The following NRXN3 variants were observed in gnomAD, a reference collection of about 807,000 sequenced individuals.
NRXN3 encodes the protein neurexin III.
NRXN3 carries 32 observed loss-of-function variants against 137.6 expected under a neutral mutation model. That is an observed-to-expected ratio of 0.23 (90% confidence interval 0.18 to 0.31). The LOEUF (loss-of-function observed/expected upper bound fraction) is 0.31, where lower values mean the gene tolerates loss of function less well. NRXN3 is among the 10% of genes least tolerant of loss of function. The probability of loss-of-function intolerance (pLI) is 1.00; values close to 1 mark genes in which losing one functional copy is unlikely to be tolerated. For missense variants in NRXN3, 1,574 were observed against 2,062.5 expected, an observed-to-expected ratio of 0.76 and a Z score of 4.59; for synonymous variants, 798 against 784.5, an observed-to-expected ratio of 1.02 and a Z score of -0.29.
intron 15 of NRXN3, among the ~76,000 whole-genome samples, chr14:79,026,937 A>ATATG (rs71131670): frequency 7.7e-6 from 1 of 130,396 alleles, no homozygotes; most frequent in Non-Finnish European, 1.6e-5. Context: ...ATATATATAT[A>ATATG]ACTATTATAA....
intron 20 of NRXN3, among the ~76,000 whole-genome samples, chr14:79,842,258 T>C (rs1486354103): frequency 1.3e-5 from 2 of 152,194 alleles, no homozygotes; most frequent in Non-Finnish European, 2.9e-5. Context: ...TAATAAATAC[T>C]GTGCAGAGAA....
At chr14:78,889,152 G>T (rs1470419448) in intron 10 of NRXN3, among the ~76,000 whole-genome samples, 2 of 151,916 alleles carry the variant, frequency 1.3e-5, no homozygotes, top group African/African-American at 2.4e-5. Flanking sequence ...TTTAGAATCC[G>T]ATTTTCACAT....
intron 19 of NRXN3, among the ~76,000 whole-genome samples, chr14:79,733,369 A>C (rs1223567799): frequency 6.6e-6 from 1 of 152,320 alleles, no homozygotes; most frequent in Admixed American, 6.5e-5. Flanking sequence ...AAGGAGGAGT[A>C]ATTTAGTTGT....
At chr14:78,532,326 G>GA (rs1381991248) in intron 4 of NRXN3, among the ~76,000 whole-genome samples, 71 of 94,618 alleles carry the variant, frequency 7.5e-4, no homozygotes, top group African/African-American at 1.7e-3. Context: ...CATCTCAAAA[G>GA]AAAAAAAAAA....
rs57715515 is a variant in NRXN3, at chr14:79,719,380, A to ATG, written c.4014+21451_4014+21452dup. ...GTGTATTGTGTGTATGTGTATATAT[A>ATG]TGTGTGTGTATATATATGTGTGTAT... On this transcript the variant is annotated intron_variant, in intron 19 of 20. Transcript: ENST00000335750. Among the ~76,000 whole-genome samples the ATG allele has an allele frequency of 9.9e-3, 1,439 of 145,002 alleles. 10 individuals are homozygous for ATG. The highest frequency in any genetic ancestry group is 0.017 in the Non-Finnish European group (1,120 of 67,132).
Position 78,242,719 on chromosome 14 carries a change from C to T in NRXN3, c.-375C>T, listed in dbSNP as rs1039476997. ...ATCGCTGAAGGCTTCTTCCTACTCT[C>T]CTGCACCTTCTCCTCCTTGAGTCAA... On this transcript the variant is annotated 5_prime_UTR_variant, in exon 2 of 21. Coordinates refer to ENST00000335750, the MANE Select transcript of NRXN3 (RefSeq NM_001330195.2). The T allele has an allele frequency of 9.5e-6, 2 of 210,520 alleles. No homozygotes were observed. Among genetic ancestry groups the T allele is most frequent in the Non-Finnish European group, 1.9e-5 (2 of 105,940 alleles). The allele number at this position is 210,520 out of a possible 1,614,324, so 13.0% of individuals were successfully genotyped here.
At chr14:78,637,491 A>G (rs781781003) in intron 4 of NRXN3, among the ~76,000 whole-genome samples, 10 of 152,182 alleles carry the variant, frequency 6.6e-5, no homozygotes, top group African/African-American at 2.2e-4. Context: ...TAACACTTCT[A>G]TGGCTGGGAA....
intron 1 of NRXN3, among the ~76,000 whole-genome samples, chr14:78,209,053 C>T (rs750019134): frequency 1.3e-4 from 20 of 152,146 alleles, no homozygotes; most frequent in Non-Finnish European, 2.4e-4. Context: ...CCTCCCAAGC[C>T]TTGTCCCCAG....
At chr14:78,569,029 G>A (rs1208756028) in intron 4 of NRXN3, among the ~76,000 whole-genome samples, 81 of 147,304 alleles carry the variant, frequency 5.5e-4, no homozygotes, top group African/African-American at 2.0e-3. Flanking sequence ...GTGCAGTGGC[G>A]CGGTCTTGGC....
intron 15 of NRXN3, among the ~76,000 whole-genome samples, chr14:79,210,299 T>C (rs1451848548): frequency 6.6e-6 from 1 of 152,194 alleles, no homozygotes; most frequent in Non-Finnish European, 1.5e-5. Context: ...TGGGAGAATA[T>C]GCTTGTTTCA....
chr14:78,676,960 T>A (rs10138169), intron 6 of NRXN3, among the ~76,000 whole-genome samples: 79,814 of 151,918 alleles, frequency 0.53, 24,382 homozygotes, highest in African/African-American at 0.86. Context: ...TTCAAGCCAA[T>A]TTTTGAGACC....
chr14:79,795,038 GTGGATGACCTCA>G (rs965869370), intron 19 of NRXN3, among the ~76,000 whole-genome samples: 10 of 152,300 alleles, frequency 6.6e-5, no homozygotes, highest in African/African-American at 2.2e-4. Flanking sequence ...AAAAAACCCT[GTGGATGACCTCA>G]TGGATCTCAT....
intron 6 of NRXN3, among the ~76,000 whole-genome samples, chr14:78,682,442 C>G (rs982670624): frequency 6.6e-6 from 1 of 151,358 alleles, no homozygotes; most frequent in South Asian, 2.1e-4. Context: ...GAACCAAGTA[C>G]GACACTTTGA....
chr14:79,843,932 T>A (rs775245959), intron 20 of NRXN3, among the ~76,000 whole-genome samples: 131 of 152,214 alleles, frequency 8.6e-4, no homozygotes, highest in Non-Finnish European at 1.5e-3. Flanking sequence ...CCAAAGACCA[T>A]TATATCATTC....
At chr14:78,832,194 A>G (rs747095736) in intron 10 of NRXN3, among the ~76,000 whole-genome samples, 7 of 151,162 alleles carry the variant, frequency 4.6e-5, no homozygotes, top group Non-Finnish European at 1.0e-4. Flanking sequence ...ATGGTTGTCA[A>G]GTTTTCTGGT....
At chr14:79,667,854 C>T (rs1020894100) in intron 17 of NRXN3, among the ~76,000 whole-genome samples, 5 of 152,098 alleles carry the variant, frequency 3.3e-5, no homozygotes, top group African/African-American at 1.2e-4. Context: ...CAGCTCTAGG[C>T]CCCCTGGAAG....
At chr14:78,628,517 G>A (rs1416228634) in intron 4 of NRXN3, among the ~76,000 whole-genome samples, 18 of 152,128 alleles carry the variant, frequency 1.2e-4, no homozygotes, top group Admixed American at 1.2e-3. Flanking sequence ...TCTCAATAAA[G>A]GTTTGCTGAA....
intron 4 of NRXN3, among the ~76,000 whole-genome samples, chr14:78,367,046 T>C (rs1462801720): frequency 6.6e-6 from 1 of 152,214 alleles, no homozygotes; most frequent in Non-Finnish European, 1.5e-5. Context: ...AATAGACTCA[T>C]TGCCCACTCT....
At chr14:78,178,330 G>A (rs992136276) in intron 1 of NRXN3, among the ~76,000 whole-genome samples, 1 of 152,200 alleles carries the variant, frequency 6.6e-6, no homozygotes, top group African/African-American at 2.4e-5. Flanking sequence ...TCAGTTAGAG[G>A]CATTTCAGGC....
Sources: gnomAD v4.1 joint callset for allele counts (sites outside exome capture counted in the v4.1 genomes callset) on GRCh38, gnomAD v4.1.1 for gene constraint, MANE v1.5 for transcripts, NCBI Gene and HGNC (gene_info 2026-07-23, HGNC 2026-07-21) for gene names.